The following FAT1 variants were observed in gnomAD, a reference collection of about 807,000 sequenced individuals.
The protein encoded by FAT1 is protocadherin Fat 1.
In FAT1, 171 loss-of-function variants were observed where a neutral mutation model predicts 329.8. The observed-to-expected ratio is 0.52, with a 90% CI of 0.46 to 0.59. FAT1 has a LOEUF of 0.59. Among genes scored for constraint, FAT1 ranks in the 20% least tolerant of loss-of-function variants. The pLI is 0.00. For synonymous variants in FAT1, 2,233 were observed against 2,228.6 expected (o/e 1.00, Z -0.06); for missense variants, 5,672 against 5,774.4 (o/e 0.98, Z 0.57).
In FAT1 at chr4:186,589,167, G is replaced by C. The variant is rs778521730; in HGVS notation, c.13192C>G (p.Gln4398Glu). 6.2e-7 allele frequency: 1 copy of C among 1,613,712 alleles called. No individual in the cohort carries two copies. Among genetic ancestry groups the C allele is most frequent in the African/African-American group, 1.3e-5 (1 of 74,908 alleles). ...ATCACCTCATAGTTGGGGAACTCTTGTATGTCCGGCAGAGGAACGCTTGGC... is the reference window on the plus strand; with the variant it reads ...ATCACCTCATAGTTGGGGAACTCTTCTATGTCCGGCAGAGGAACGCTTGGC... ...WMPSVPLPDI[Q>E]EFPNYEVIDE... The change falls in exon 27 of 27, where the codon CAA (glutamine) becomes GAA (glutamate). Residue 4398 changes from glutamine to glutamate, a missense_variant. Coordinates refer to ENST00000441802, the MANE Select transcript of FAT1 (RefSeq NM_005245.4).
intron 2 of FAT1, among the ~76,000 whole-genome samples, chr4:186,690,688 T>G: frequency 6.7e-6 from 1 of 149,762 alleles, no homozygotes. Flanking sequence ...AGACTCTGCC[T>G]CAAAAAAAAA....
intron 24 of FAT1, chr4:186,597,390 G>A (rs957142124): frequency 1.7e-6 from 1 of 592,058 alleles, no homozygotes; most frequent in Non-Finnish European, 2.9e-6. Flanking sequence ...TGTATATTTG[G>A]GAAGGAAACA....
chr4:186,672,707 C>G (rs1325379448), intron 2 of FAT1, among the ~76,000 whole-genome samples: 1 of 152,186 alleles, frequency 6.6e-6, no homozygotes, highest in East Asian at 1.9e-4. Flanking sequence ...GTACAAGCAA[C>G]CTGCCAGAAG....
At chr4:186,590,616 T>C in intron 26 of FAT1, 1 of 457,278 alleles carries the variant, frequency 2.2e-6, no homozygotes, top group South Asian at 1.5e-5. Flanking sequence ...TGGAGGAAAG[T>C]GACTGCGGAA....
At chr4:186,665,449 T>C (rs1008696760) in intron 2 of FAT1, among the ~76,000 whole-genome samples, 4 of 152,182 alleles carry the variant, frequency 2.6e-5, no homozygotes, top group Non-Finnish European at 5.9e-5. Context: ...TGGCCAGTGA[T>C]GATGAGCATT....
chr4:186,599,828 T>C (rs952674125), intron 22 of FAT1, 70 bp downstream of exon 22: 16 of 1,199,710 alleles, frequency 1.3e-5, no homozygotes, highest in Non-Finnish European at 2.3e-6. Flanking sequence ...AATAAAAAAA[T>C]ACCTGGGGAG....
Position 186,603,802 on chromosome 4 carries a change from T to C in FAT1, c.10724A>G (p.Tyr3575Cys), listed in dbSNP as rs2126433539. ...GTCGAGACTGTAGGTTAGAGTATCA[T>C]ACACGTCCTGGTCTGTGGCATGGAT... ...GKIHATDQDV[Y>C]DTLTYSLDPQ... is the part of the protein sequence containing the mutation. Residue 3575 changes from tyrosine (Y) to cysteine (C), a missense_variant, in exon 19 of 27, where the codon TAT (tyrosine) becomes TGT (cysteine). Coordinates refer to ENST00000441802, the MANE Select transcript of FAT1 (RefSeq NM_005245.4). The C allele has an allele frequency of 1.2e-6, 2 of 1,613,968 alleles. No individual in the cohort carries two copies. Among genetic ancestry groups the C allele is most frequent in the Non-Finnish European group, 1.7e-6 (2 of 1,179,894 alleles).
chr4:186,639,384 C>G (rs1740990525), intron 4 of FAT1, among the ~76,000 whole-genome samples: 1 of 152,050 alleles, frequency 6.6e-6, no homozygotes, highest in Non-Finnish European at 1.5e-5. Flanking sequence ...AAGATGTATA[C>G]AGAAAAATAT....
Position 186,619,719 on chromosome 4 carries a change from C to G in FAT1, c.6867G>C (p.Ala2289=), listed in dbSNP as rs765727306. 1 of 1,613,910 alleles carries G rather than the reference C, an allele frequency of 6.2e-7. No homozygotes were observed. The highest frequency in any genetic ancestry group is 1.1e-5 in the South Asian group (1 of 91,064). Residue 2289 remains alanine, a synonymous_variant, in exon 10 of 27, where the codon GCG becomes GCC. Coordinates refer to ENST00000441802, the MANE Select transcript of FAT1 (RefSeq NM_005245.4). ...TTACAGATGCCTCAGACAGGGTCAC[C>G]GCATAAGACTGCTGAGCAAACACAG... ...NPPVFAQQSY[A]VTLSEASVIG...
At chr4:186,684,534 C>A (rs1266122085) in intron 2 of FAT1, among the ~76,000 whole-genome samples, 1 of 152,180 alleles carries the variant, frequency 6.6e-6, no homozygotes, top group East Asian at 1.9e-4. Flanking sequence ...ACGCTCGGCC[C>A]GTTTTCAACA....
At position 186,643,728 on chromosome 4, in the gene FAT1, C is replaced by T. The variant is rs1452042637; in HGVS notation, c.3581-3945G>A. Among the ~76,000 whole-genome samples, 32 of 152,076 alleles carry T rather than the reference C, an allele frequency of 2.1e-4. 1 individual carries two copies. The highest frequency in any genetic ancestry group is 2.1e-3 in the Admixed American group (32 of 15,264). ...CACTCTGGCCATACAAGACAATCTA[C>T]CGAGTGTGTTCTGTGTTCACACTCA... On this transcript the variant is annotated intron_variant, in intron 3 of 26. Coordinates refer to ENST00000441802, the MANE Select transcript of FAT1 (RefSeq NM_005245.4).
chr4:186,601,152 G>A lies in FAT1; in HGVS notation c.11640+117C>T, dbSNP rs530385448. ...ACAGGCATCAATGAATTATTTAAATGTGGAATTCAACCATTTCACTTACTT... is the reference window on the plus strand; with the variant it reads ...ACAGGCATCAATGAATTATTTAAATATGGAATTCAACCATTTCACTTACTT... On this transcript the variant is annotated intron_variant, in intron 21 of 26. Coordinates refer to ENST00000441802, the MANE Select transcript of FAT1 (RefSeq NM_005245.4). 3.9e-5 allele frequency: 36 copies of A among 933,442 alleles called. 2 individuals are homozygous for A. The South Asian group carries it at 6.9e-4, about 18-fold the overall frequency. The allele number at this position is 933,442 out of a possible 1,614,324, so 57.8% of individuals were successfully genotyped here.
intron 2 of FAT1, among the ~76,000 whole-genome samples, chr4:186,674,711 A>G (rs1392291635): frequency 6.6e-6 from 1 of 152,192 alleles, no homozygotes; most frequent in African/African-American, 2.4e-5. Flanking sequence ...CTATTTAGGA[A>G]GTTACTGTGT....
Position 186,633,808 on chromosome 4 carries a change from C to T in FAT1, c.4199G>A (p.Ser1400Asn). The change falls in exon 7 of 27, where the codon AGT (serine) becomes AAT (asparagine). Residue 1400 changes from serine (S) to asparagine (N), a missense_variant. Ser to Asn is a conservative substitution (Grantham distance 46). Transcript: ENST00000441802. ...WFDITGGNYDSHFDVDKGTGT... is the reference protein window; with the variant it reads ...WFDITGGNYDNHFDVDKGTGT... ...AGTTCCCTTGTCCACATCGAAGTGA[C>T]TGTCGTAGTTGCCACCTAATTTGGG... 1 of 1,613,946 alleles carries T rather than the reference C, an allele frequency of 6.2e-7. No individual in the cohort carries two copies. Among genetic ancestry groups the T allele is most frequent in the South Asian group, 1.1e-5 (1 of 91,088 alleles).
Position 186,588,083 on chromosome 4 carries a change from A to C in FAT1, c.*509T>G. On this transcript the variant is annotated 3_prime_UTR_variant, in exon 27 of 27. Transcript: ENST00000441802. ...GACTACACTGAAATGTACTAACAAA[A>C]TGTCACACTTCAGTGGAAAAAGACA... is the stretch of plus-strand genomic sequence containing the variant. 1 of 222,402 alleles carries C rather than the reference A, an allele frequency of 4.5e-6. No individual in the cohort carries two copies. The highest frequency in any genetic ancestry group is 6.9e-5 in the East Asian group (1 of 14,572). The allele number at this position is 222,402 out of a possible 1,614,324, so 13.8% of individuals were successfully genotyped here.
At chr4:186,592,453 C>T (rs1204380995) in intron 26 of FAT1, among the ~76,000 whole-genome samples, 1 of 137,760 alleles carries the variant, frequency 7.3e-6, no homozygotes, top group African/African-American at 2.6e-5. Flanking sequence ...TACAGATAAG[C>T]TCTCCAGATC....
At chr4:186,634,895 A>G (rs1740758147) in intron 6 of FAT1, among the ~76,000 whole-genome samples, 1 of 152,284 alleles carries the variant, frequency 6.6e-6, no homozygotes, top group African/African-American at 2.4e-5. Flanking sequence ...GCAAGGTTAC[A>G]CAGCGAGGTC....
At chr4:186,669,266 C>T (rs1742617754) in intron 2 of FAT1, among the ~76,000 whole-genome samples, 1 of 152,182 alleles carries the variant, frequency 6.6e-6, no homozygotes, top group Non-Finnish European at 1.5e-5. Context: ...CAGCCAGATG[C>T]CGGGAGCAAC....
intron 2 of FAT1, among the ~76,000 whole-genome samples, chr4:186,696,256 T>C (rs755519583): frequency 7.2e-5 from 11 of 152,236 alleles, no homozygotes; most frequent in Non-Finnish European, 1.5e-4. Context: ...AGTTTCCATC[T>C]TCTAAATGAG....
Sources: allele counts gnomAD v4.1 joint callset (sites outside exome capture counted in the v4.1 genomes callset), GRCh38; gene constraint gnomAD v4.1.1; transcripts MANE v1.5; gene names NCBI Gene and HGNC (gene_info 2026-07-23, HGNC 2026-07-21).